The following LRBA variants were observed in gnomAD, a reference collection of about 807,000 sequenced individuals.
The protein encoded by LRBA is LPS responsive beige-like anchor protein.
In LRBA, 176 loss-of-function variants were observed where a neutral mutation model predicts 330.0. The ratio of observed to expected loss-of-function variants is 0.53; its 90% CI spans 0.47 to 0.60. The LOEUF (loss-of-function observed/expected upper bound fraction) is 0.60, where lower values mean the gene tolerates loss of function less well. Among genes scored for constraint, LRBA ranks in the 20% least tolerant of loss-of-function variants. The probability of loss-of-function intolerance (pLI) is 0.00; values close to 1 mark genes in which losing one functional copy is unlikely to be tolerated. For synonymous variants in LRBA, 1,230 were observed against 1,193.0 expected (o/e 1.03, Z -0.64); for missense variants, 3,259 against 3,444.8 (o/e 0.95, Z 1.35).
intron 28 of LRBA, among the ~76,000 whole-genome samples, chr4:150,832,203 T>C (rs1050302646): frequency 2.0e-5 from 3 of 152,138 alleles, no homozygotes; most frequent in African/African-American, 7.2e-5. Context: ...TTGCAAAACA[T>C]GGAAAGAGAG....
intron 2 of LRBA, among the ~76,000 whole-genome samples, chr4:150,970,214 A>G (rs549728323): frequency 6.6e-6 from 1 of 152,168 alleles, no homozygotes; most frequent in South Asian, 2.1e-4. Flanking sequence ...AACAGACTAA[A>G]GTAGGCTGGG....
chr4:150,331,113 T>C (rs1581032560), intron 48 of LRBA, among the ~76,000 whole-genome samples: 1 of 152,298 alleles, frequency 6.6e-6, no homozygotes, highest in Admixed American at 6.5e-5. Context: ...CACTCCATTG[T>C]CTCACTATAG....
intron 40 of LRBA, among the ~76,000 whole-genome samples, chr4:150,526,598 C>A (rs543506313): frequency 7.2e-5 from 11 of 152,188 alleles, no homozygotes; most frequent in African/African-American, 2.4e-4. Flanking sequence ...AATTTTCAGA[C>A]CTTCACAAAA....
At position 150,773,076 on chromosome 4, in the gene LRBA, T is replaced by C. The variant is rs199721555; in HGVS notation, c.5581-11229A>G. 3.9e-5 allele frequency among the ~76,000 whole-genome samples: 6 copies of C among 152,318 alleles called. No individual in the cohort carries two copies. The East Asian group carries it at 1.2e-3, about 29-fold the overall frequency. ...GACATGTCCCACAACACTGGAGCCC[T>C]AGAAATTTCACTGAGGTGGATTTAC... On this transcript the variant is annotated intron_variant, in intron 34 of 56. Coordinates refer to ENST00000651943, the MANE Select transcript of LRBA (RefSeq NM_001364905.1).
chr4:150,526,025 A>T (rs1763435471), intron 40 of LRBA, among the ~76,000 whole-genome samples: 1 of 152,172 alleles, frequency 6.6e-6, no homozygotes, highest in South Asian at 2.1e-4. Context: ...AATTTTACAG[A>T]TTCAGAAATA....
intron 13 of LRBA, 66 bp from the exon 14 acceptor site, chr4:150,900,283 C>A (rs1266546479): frequency 2.5e-6 from 3 of 1,205,142 alleles, no homozygotes; most frequent in Admixed American, 4.2e-5. Flanking sequence ...AGTAACACTT[C>A]CAGGCTGTTT....
intron 36 of LRBA, among the ~76,000 whole-genome samples, chr4:150,733,495 G>T (rs1490558210): frequency 6.6e-6 from 1 of 151,710 alleles, no homozygotes; most frequent in Non-Finnish European, 1.5e-5. Flanking sequence ...AGGAGTTCCT[G>T]CTTTATTCTT....
chr4:150,792,772 T>A (rs1740157885), intron 34 of LRBA, among the ~76,000 whole-genome samples: 1 of 152,092 alleles, frequency 6.6e-6, no homozygotes, highest in South Asian at 2.1e-4. Flanking sequence ...TAAATTGTTT[T>A]TTTTAAAAAA....
At chr4:150,671,386 G>A (rs182064886) in intron 37 of LRBA, among the ~76,000 whole-genome samples, 11 of 152,102 alleles carry the variant, frequency 7.2e-5, no homozygotes, top group Admixed American at 5.2e-4. Flanking sequence ...CTGAAACATC[G>A]TTTTCATCTA....
At chr4:150,805,679 G>A (rs184754973) in intron 33 of LRBA, among the ~76,000 whole-genome samples, 17 of 151,416 alleles carry the variant, frequency 1.1e-4, no homozygotes, top group South Asian at 2.1e-4. Flanking sequence ...GAAAAGAAAC[G>A]AAAGGAAAGG....
chr4:150,851,822 T>C lies in LRBA; in HGVS notation c.3825+63A>G, dbSNP rs1056442697. 1.6e-5 allele frequency: 23 copies of C among 1,441,560 alleles called. No individual in the cohort carries two copies. In the African/African-American group the frequency reaches 3.0e-4, roughly 19 times the overall value. The allele number at this position is 1,441,560 out of a possible 1,614,324, so 89.3% of individuals were successfully genotyped here. Reference sequence around the variant, plus strand: ...TTCAAAATAAAATAAAATTTAAGTATATACACTTGCTCTTTTTTAACTCAG... The same window carrying C: ...TTCAAAATAAAATAAAATTTAAGTACATACACTTGCTCTTTTTTAACTCAG... On this transcript the variant is annotated intron_variant, in intron 23 of 56. Transcript: ENST00000651943.
chr4:150,420,159 G>A (rs573994823), intron 46 of LRBA, among the ~76,000 whole-genome samples: 17 of 150,150 alleles, frequency 1.1e-4, no homozygotes, highest in African/African-American at 3.4e-4. Context: ...TGGGAAGACT[G>A]TGAGCCCAGG....
chr4:150,375,384 T>G (rs915372652), intron 47 of LRBA, among the ~76,000 whole-genome samples: 4 of 152,182 alleles, frequency 2.6e-5, no homozygotes, highest in Non-Finnish European at 5.9e-5. Context: ...TATTATTACA[T>G]CAGGATTGGC....
At chr4:150,438,387 G>A (rs1751403696) in intron 44 of LRBA, among the ~76,000 whole-genome samples, 1 of 152,074 alleles carries the variant, frequency 6.6e-6, no homozygotes, top group African/African-American at 2.4e-5. Flanking sequence ...GGAGGCTGAG[G>A]TAGGAGGATT....
chr4:150,357,296 T>C (rs1025135633), intron 47 of LRBA, among the ~76,000 whole-genome samples: 1 of 151,984 alleles, frequency 6.6e-6, no homozygotes, highest in South Asian at 2.1e-4. Context: ...TGTTATTGTG[T>C]AGTTTTAAAT....
chr4:150,990,844 CTCTG>C (rs1741988424), intron 2 of LRBA, among the ~76,000 whole-genome samples: 1 of 152,104 alleles, frequency 6.6e-6, no homozygotes, highest in African/African-American at 2.4e-5. Flanking sequence ...CACGGCAAAA[CTCTG>C]TCTATTACTA....
intron 40 of LRBA, among the ~76,000 whole-genome samples, chr4:150,528,364 G>C (rs528505501): frequency 6.6e-6 from 1 of 152,138 alleles, no homozygotes; most frequent in African/African-American, 2.4e-5. Flanking sequence ...AGCCAGGCGT[G>C]GTGGTGGGCG....
chr4:150,518,020 T>C (rs564817881), intron 40 of LRBA, among the ~76,000 whole-genome samples: 2 of 152,366 alleles, frequency 1.3e-5, no homozygotes, highest in African/African-American at 4.8e-5. Flanking sequence ...TAGATAAAGA[T>C]GCATTCTTAC....
At position 150,908,771 on chromosome 4, in the gene LRBA, G is replaced by C. The variant is rs781723858; in HGVS notation, c.1248C>G (p.Ala416=). 6.2e-7 allele frequency: 1 copy of C among 1,613,638 alleles called. No individual in the cohort carries two copies. ...CCCGTGGATTGTACGTGAATGCAAT[G>C]GCACTAGAGAGTTTCCCATCGTACA... The part of the protein sequence containing the change: ...LLLYDGKLSS[A]IAFTYNPRAT... Residue 416 remains alanine (A), a synonymous_variant, in exon 10 of 57, where the codon GCC becomes GCG. Transcript: ENST00000651943.
Sources: gnomAD v4.1 joint callset for allele counts (sites outside exome capture counted in the v4.1 genomes callset) on GRCh38, gnomAD v4.1.1 for gene constraint, MANE v1.5 for transcripts, NCBI Gene and HGNC (gene_info 2026-07-23, HGNC 2026-07-21) for gene names.